DLGAP4: variants seen among roughly 807,000 people sequenced by gnomAD.
The protein encoded by DLGAP4 is disks large-associated protein 4.
A neutral mutation model predicts 86.9 loss-of-function variants in DLGAP4; 18 were observed. The observed-to-expected ratio is 0.21, with a 90% CI of 0.14 to 0.31. DLGAP4 has a LOEUF of 0.31. Among genes scored for constraint, DLGAP4 ranks in the 10% least tolerant of loss-of-function variants. DLGAP4 has a pLI of 1.00. For synonymous variants in DLGAP4, 548 were observed against 574.3 expected, an observed-to-expected ratio of 0.95 and a Z score of 0.65; for missense variants, 1,085 against 1,362.6, an observed-to-expected ratio of 0.80 and a Z score of 3.21.
intron 2 of DLGAP4, among the ~76,000 whole-genome samples, chr20:36,423,673 T>A (rs2032894223): frequency 6.6e-6 from 1 of 151,582 alleles, no homozygotes; most frequent in African/African-American, 2.4e-5. Context: ...TTCAACCTTA[T>A]TATAATTTTT....
chr20:36,364,320 A>C (rs1555894456), intron 1 of DLGAP4, among the ~76,000 whole-genome samples: 1 of 152,136 alleles, frequency 6.6e-6, no homozygotes, highest in South Asian at 2.1e-4. Flanking sequence ...CTGAGGCAGG[A>C]GGATCCCTTG....
At chr20:36,483,533 A>G (rs2035280811) in intron 7 of DLGAP4, among the ~76,000 whole-genome samples, 1 of 152,096 alleles carries the variant, frequency 6.6e-6, no homozygotes, top group South Asian at 2.1e-4. Flanking sequence ...TCAGAATAAC[A>G]TGTGGGAATT....
At position 36,350,195 on chromosome 20, in the gene DLGAP4, C is replaced by A. The variant is rs1332003407; in HGVS notation, c.-303-16850C>A. On this transcript the variant is annotated intron_variant, in intron 1 of 12. Coordinates refer to ENST00000339266, the MANE Select transcript of DLGAP4 (RefSeq NM_001365621.2). This position sits in a 1 kb window ranked among gnomAD's most constrained non-coding sequence, Gnocchi z 4.4. ...TGGCGGGTGCCAAGCCTGGATCGTC[C>A]CCCGAGCTCAGCTTGCCCTTAGGCC... Among the ~76,000 whole-genome samples, 2 of 152,200 alleles carry A rather than the reference C, an allele frequency of 1.3e-5. No homozygotes were observed. The highest frequency in any genetic ancestry group is 4.8e-5 in the African/African-American group (2 of 41,454).
At chr20:36,477,553 A>G (rs1326012348) in intron 7 of DLGAP4, among the ~76,000 whole-genome samples, 3 of 152,150 alleles carry the variant, frequency 2.0e-5, no homozygotes, top group Non-Finnish European at 2.9e-5. Flanking sequence ...ACTGCCCCCT[A>G]TGGAGGCAGG....
intron 2 of DLGAP4, among the ~76,000 whole-genome samples, chr20:36,378,311 G>T (rs532158820): frequency 2.0e-5 from 3 of 152,294 alleles, no homozygotes; most frequent in Admixed American, 6.5e-5. Context: ...CTGGTTAAAA[G>T]CCTTAGGGTG....
rs955155666 is a variant in DLGAP4, at chr20:36,409,119, T to C, written c.-72-22527T>C. Among the ~76,000 whole-genome samples, 4 of 133,118 alleles carry C rather than the reference T, an allele frequency of 3.0e-5. No homozygotes were observed. In the Admixed American group the frequency reaches 3.6e-4, roughly 12 times the overall value. 87.3% of individuals were successfully genotyped at this position (133,118 alleles called of 152,430 possible). A position where few individuals can be genotyped will look rare whatever the true frequency, so the allele number is the denominator to read the frequency against. ...GGCGCCATCTTGGCTCACTGCAACC[T>C]CCACCTCCCGGGTTCAAGCGATTCT... On this transcript the variant is annotated intron_variant, in intron 2 of 12. Coordinates refer to ENST00000339266, the MANE Select transcript of DLGAP4 (RefSeq NM_001365621.2).
intron 7 of DLGAP4, among the ~76,000 whole-genome samples, chr20:36,449,001 C>T (rs975497764): frequency 4.6e-5 from 7 of 152,082 alleles, no homozygotes; most frequent in African/African-American, 1.4e-4. Flanking sequence ...AGTGCTCAAC[C>T]GGTGTTTGAT....
chr20:36,394,267 T>C (rs1248234682), intron 2 of DLGAP4, among the ~76,000 whole-genome samples: 2 of 152,198 alleles, frequency 1.3e-5, no homozygotes, highest in Non-Finnish European at 2.9e-5. Context: ...TAGATGTTTA[T>C]GATCTCCCTT....
chr20:36,488,071 G>C (rs370033070), intron 7 of DLGAP4, among the ~76,000 whole-genome samples: 1 of 151,280 alleles, frequency 6.6e-6, no homozygotes, highest in East Asian at 2.0e-4. Flanking sequence ...ATGGTGGCGC[G>C]CGCCTATAAT....
intron 2 of DLGAP4, among the ~76,000 whole-genome samples, chr20:36,404,150 A>G (rs1406148539): frequency 6.6e-6 from 1 of 152,172 alleles, no homozygotes; most frequent in Non-Finnish European, 1.5e-5. Flanking sequence ...GCTATCACAA[A>G]TTGGACTATG....
At chr20:36,516,588 C>T (rs2147836869) in intron 10 of DLGAP4, among the ~76,000 whole-genome samples, 1 of 151,418 alleles carries the variant, frequency 6.6e-6, no homozygotes, top group African/African-American at 2.4e-5. Context: ...ATCACTTGAA[C>T]CCGGGAGGCA....
intron 2 of DLGAP4, among the ~76,000 whole-genome samples, chr20:36,391,603 C>T (rs558375937): frequency 3.9e-4 from 60 of 152,318 alleles, no homozygotes; most frequent in Admixed American, 1.5e-3. Flanking sequence ...GAAGCTGGGA[C>T]GCTGGAGGCT....
At chr20:36,384,717 T>C (rs2031532855) in intron 2 of DLGAP4, among the ~76,000 whole-genome samples, 1 of 152,204 alleles carries the variant, frequency 6.6e-6, no homozygotes, top group Middle Eastern at 3.2e-3. Flanking sequence ...CAGATACTCT[T>C]GGAACCTCAT....
At position 36,502,323 on chromosome 20, in the gene DLGAP4, TA is replaced by T. The variant is rs11477432; in HGVS notation, c.2512+1718del. Among the ~76,000 whole-genome samples, 949 of 152,312 alleles carry T rather than the reference TA, an allele frequency of 6.2e-3. 11 individuals carry two copies. Among genetic ancestry groups the T allele is most frequent in the African/African-American group, 0.021 (893 of 41,564 alleles). On this transcript the variant is annotated intron_variant, in intron 10 of 12. Transcript: ENST00000339266. ...GAATTGTTTGCCCTGTTGCCACATT[TA>T]AAAAATACACTCCATTTGCTAAATT...
At chr20:36,451,613 A>G (rs776604365) in intron 7 of DLGAP4, among the ~76,000 whole-genome samples, 8 of 152,066 alleles carry the variant, frequency 5.3e-5, no homozygotes, top group Non-Finnish European at 1.0e-4. Flanking sequence ...GGCCTCACAA[A>G]GTGCTGGGAT....
chr20:36,496,236 A>G (rs753451896), intron 7 of DLGAP4, among the ~76,000 whole-genome samples: 5 of 151,992 alleles, frequency 3.3e-5, no homozygotes, highest in Non-Finnish European at 7.4e-5. Flanking sequence ...GGGAGAGGGA[A>G]GGTGGTGTGG....
chr20:36,485,667 C>T (rs545857747), intron 7 of DLGAP4, among the ~76,000 whole-genome samples: 1 of 152,268 alleles, frequency 6.6e-6, no homozygotes, highest in East Asian at 1.9e-4. Context: ...CGCTGCCACT[C>T]ATAAGAGTAA....
intron 1 of DLGAP4, among the ~76,000 whole-genome samples, chr20:36,329,778 A>G (rs1349953974): frequency 3.9e-5 from 6 of 151,998 alleles, no homozygotes; most frequent in Non-Finnish European, 8.8e-5. Context: ...CACGCCTGTA[A>G]TCCCAGCACT....
chr20:36,434,135 G>A (rs2147546168), intron 3 of DLGAP4, among the ~76,000 whole-genome samples: 1 of 150,596 alleles, frequency 6.6e-6, no homozygotes, highest in Non-Finnish European at 1.5e-5. Context: ...GTAGAGATGG[G>A]GTTTTATCAT....
Sources: allele counts gnomAD v4.1 joint callset (sites outside exome capture counted in the v4.1 genomes callset), GRCh38; gene constraint gnomAD v4.1.1; non-coding constraint Gnocchi (gnomAD v3.1); transcripts MANE v1.5; gene names NCBI Gene and HGNC (gene_info 2026-07-23, HGNC 2026-07-21).